The following CRACR2A variants were observed in gnomAD, a reference collection of about 807,000 sequenced individuals.
The protein encoded by CRACR2A is calcium release activated channel regulator 2A, also known as EF-hand calcium-binding domain-containing protein 4B.
In CRACR2A, 79 loss-of-function variants were observed where a neutral mutation model predicts 90.5. That is an observed-to-expected ratio of 0.87 (90% CI 0.73 to 1.05). The LOEUF is 1.05. CRACR2A is among the 50% of genes least tolerant of loss of function. CRACR2A has a pLI of 0.00. For missense variants in CRACR2A, 823 were observed against 897.2 expected, an observed-to-expected ratio of 0.92 and a Z score of 1.06; for synonymous variants, 338 against 356.7, an observed-to-expected ratio of 0.95 and a Z score of 0.59.
chr12:3,626,964 A>G (rs957258812), intron 17 of CRACR2A, among the ~76,000 whole-genome samples: 1 of 152,072 alleles, frequency 6.6e-6, no homozygotes, highest in African/African-American at 2.4e-5. Context: ...GCCCCCAAAC[A>G]TTGCATGGTG....
At position 3,644,649 on chromosome 12, in the gene CRACR2A, G is replaced by A; in HGVS notation, c.1119-9C>T. ...GGTGCTTGTTCCTTTCCCTGTGGATGGTAAAGGGGAATCTATTCAAACATG... is the reference window on the plus strand; with the variant it reads ...GGTGCTTGTTCCTTTCCCTGTGGATAGTAAAGGGGAATCTATTCAAACATG... On this transcript the variant is annotated splice_polypyrimidine_tract_variant and intron_variant, in intron 11 of 19. Coordinates refer to ENST00000440314, the MANE Select transcript of CRACR2A (RefSeq NM_001144958.2). 1.3e-6 allele frequency: 2 copies of A among 1,551,558 alleles called. No individual in the cohort carries two copies. Among genetic ancestry groups the A allele is most frequent in the South Asian group, 1.2e-5 (1 of 84,056 alleles).
intron 4 of CRACR2A, among the ~76,000 whole-genome samples, chr12:3,687,498 T>C (rs776639272): frequency 3.3e-5 from 5 of 152,212 alleles, no homozygotes; most frequent in Non-Finnish European, 5.9e-5. Flanking sequence ...GGCCTCCAGC[T>C]CCATCCAAGT....
intron 10 of CRACR2A, among the ~76,000 whole-genome samples, chr12:3,652,706 C>T (rs904389069): frequency 6.6e-6 from 1 of 152,158 alleles, no homozygotes; most frequent in Non-Finnish European, 1.5e-5. Flanking sequence ...GTAGCACTGC[C>T]CTTTTCCCTA....
intron 3 of CRACR2A, among the ~76,000 whole-genome samples, chr12:3,697,378 T>C (rs775788983): frequency 3.3e-5 from 5 of 152,216 alleles, no homozygotes; most frequent in Non-Finnish European, 7.3e-5. Flanking sequence ...CTGCCATTTA[T>C]AGAGCGTTTA....
chr12:3,630,605 G>A (rs996974415), intron 15 of CRACR2A, among the ~76,000 whole-genome samples: 1 of 152,200 alleles, frequency 6.6e-6, no homozygotes, highest in African/African-American at 2.4e-5. Context: ...GCTGGACTCG[G>A]AGTCCTGGGT....
At chr12:3,720,896 C>A (rs769539359) in intron 2 of CRACR2A, among the ~76,000 whole-genome samples, 21 of 152,252 alleles carry the variant, frequency 1.4e-4, no homozygotes, top group Admixed American at 5.2e-4. Flanking sequence ...TAAAGCAAGA[C>A]AAAGTCGAAT....
chr12:3,641,647 G>T, intron 13 of CRACR2A, 85 bp downstream of exon 13: 1 of 1,227,670 alleles, frequency 8.1e-7, no homozygotes, highest in Non-Finnish European at 1.2e-6. Flanking sequence ...CTCTCAAGGG[G>T]TCAGCAGGCA....
chr12:3,710,887 C>T (rs1190744758), intron 3 of CRACR2A, among the ~76,000 whole-genome samples: 1 of 152,008 alleles, frequency 6.6e-6, no homozygotes, highest in African/African-American at 2.4e-5. Flanking sequence ...TCCTCAAAGG[C>T]CCCATTTCCT....
chr12:3,621,061 G>A (rs1773919468), intron 17 of CRACR2A, among the ~76,000 whole-genome samples: 1 of 152,220 alleles, frequency 6.6e-6, no homozygotes, highest in South Asian at 2.1e-4. Flanking sequence ...GCAGGGAAAT[G>A]GGCCAAGCGG....
intron 15 of CRACR2A, among the ~76,000 whole-genome samples, chr12:3,628,073 CCCTCTCTCCTTCCCT>C (rs1944303960): frequency 8.5e-6 from 1 of 117,964 alleles, no homozygotes; most frequent in Non-Finnish European, 1.9e-5. Context: ...CTCCCTCTCT[CCCTCTCTCCTTCCCT>C]CCCTCTCTCC....
chr12:3,682,952 T>C (rs1195899577), intron 4 of CRACR2A, among the ~76,000 whole-genome samples: 2 of 152,002 alleles, frequency 1.3e-5, no homozygotes, highest in Non-Finnish European at 2.9e-5. Context: ...CCAGTTAATT[T>C]TTGTATTTTT....
chr12:3,703,189 C>T (rs908750220), intron 3 of CRACR2A, among the ~76,000 whole-genome samples: 30 of 152,248 alleles, frequency 2.0e-4, no homozygotes, highest in Admixed American at 3.9e-4. Flanking sequence ...TCCCAGGTTA[C>T]GCCATTCTCC....
chr12:3,700,709 A>C (rs1377617930), intron 3 of CRACR2A, among the ~76,000 whole-genome samples: 1 of 152,234 alleles, frequency 6.6e-6, no homozygotes, highest in Non-Finnish European at 1.5e-5. Context: ...TTCAAAATAC[A>C]CAAAGCACAA....
intron 3 of CRACR2A, among the ~76,000 whole-genome samples, chr12:3,704,825 G>C (rs1591700943): frequency 6.6e-6 from 1 of 152,226 alleles, no homozygotes; most frequent in African/African-American, 2.4e-5. Flanking sequence ...GAAGCAGGCA[G>C]AGCCCCTTGT....
intron 7 of CRACR2A, 37 bp from the exon 8 acceptor site, chr12:3,659,691 C>A (rs1428981678): frequency 6.5e-7 from 1 of 1,548,026 alleles, no homozygotes; most frequent in Non-Finnish European, 8.9e-7. Context: ...CATTGAGGTT[C>A]CCCTACTCCA....
intron 4 of CRACR2A, among the ~76,000 whole-genome samples, chr12:3,683,313 C>T (rs1945490726): frequency 6.6e-6 from 1 of 152,216 alleles, no homozygotes; most frequent in Non-Finnish European, 1.5e-5. Context: ...TACCCACCTA[C>T]CAGCACCACC....
intron 2 of CRACR2A, among the ~76,000 whole-genome samples, chr12:3,721,132 A>G (rs767093351): frequency 2.6e-4 from 39 of 152,198 alleles, no homozygotes; most frequent in Non-Finnish European, 4.3e-4. Context: ...TTTCTCAACA[A>G]TGATTACATG....
At chr12:3,668,610 G>A (rs1945187710) in intron 7 of CRACR2A, among the ~76,000 whole-genome samples, 1 of 152,198 alleles carries the variant, frequency 6.6e-6, no homozygotes, top group Non-Finnish European at 1.5e-5. Flanking sequence ...GTGACATGAT[G>A]ACATCTCTTC....
chr12:3,667,204 A>G (rs1464381984), intron 7 of CRACR2A, among the ~76,000 whole-genome samples: 1 of 152,264 alleles, frequency 6.6e-6, no homozygotes, highest in African/African-American at 2.4e-5. Context: ...GGGTCAAAAC[A>G]GTGAAGTAAC....
Sources: gnomAD v4.1 joint callset for allele counts (sites outside exome capture counted in the v4.1 genomes callset) on GRCh38, gnomAD v4.1.1 for gene constraint, MANE v1.5 for transcripts, NCBI Gene and HGNC (gene_info 2026-07-23, HGNC 2026-07-21) for gene names.